Variants in METTL21A observed in about 807,000 individuals in gnomAD.
METTL21A encodes methyltransferase 21A, HSPA lysine.
METTL21A carries 22 observed loss-of-function variants against 20.9 expected under a neutral mutation model. The ratio of observed to expected loss-of-function variants is 1.05; its 90% CI spans 0.75 to 1.50. METTL21A has a LOEUF of 1.50. METTL21A is among the 40% of genes most tolerant of loss of function. The pLI, the probability that METTL21A is intolerant of heterozygous loss-of-function variation, is 0.00. For synonymous variants in METTL21A, 93 were observed against 102.0 expected, an observed-to-expected ratio of 0.91 and a Z score of 0.53; for missense variants, 271 against 266.8, an observed-to-expected ratio of 1.02 and a Z score of -0.11.
chr2:207,621,971 T>A, intron 2 of METTL21A, 54 bp from the exon 3 acceptor site: 3 of 1,522,504 alleles, frequency 2.0e-6, no homozygotes, highest in Non-Finnish European at 2.7e-6. Context: ...CTTGAGTAGC[T>A]GCAGGGTTTC....
At chr2:207,607,878 T>G (rs1356811949), downstream of METTL21A, among the ~76,000 whole-genome samples, 2 of 151,824 alleles carry the variant, frequency 1.3e-5, no homozygotes, top group Non-Finnish European at 2.9e-5. Flanking sequence ...AAATGTACAT[T>G]TATGTGATAA....
intron 2 of METTL21A, 114 bp downstream of exon 2, chr2:207,624,115 T>G: frequency 7.9e-7 from 1 of 1,267,356 alleles, no homozygotes; most frequent in Non-Finnish European, 1.1e-6. Context: ...TTTAAATAGG[T>G]AAAGTGTATG....
chr2:207,596,808 G>T (rs1174152181), intron 3 of METTL21A: 2 of 1,258,190 alleles, frequency 1.6e-6, no homozygotes, highest in Non-Finnish European at 2.2e-6. Context: ...ATACTAAAAT[G>T]TTGGTTGCTG....
At chr2:207,588,762 CAT>C (rs2084391512) in intron 3 of METTL21A, among the ~76,000 whole-genome samples, 2 of 146,868 alleles carry the variant, frequency 1.4e-5, no homozygotes, top group South Asian at 2.1e-4. Flanking sequence ...GGTGGGGGGA[CAT>C]GTGCTATTTG....
At chr2:207,609,698 C>T (rs1221301520), downstream of METTL21A, 1 of 151,848 alleles carries the variant, frequency 6.6e-6, no homozygotes, top group Non-Finnish European at 1.5e-5. Flanking sequence ...GAAAGAACTG[C>T]ATTAAGACAT....
chr2:207,620,761 T>G, intron 3 of METTL21A: 2 of 1,448,472 alleles, frequency 1.4e-6, no homozygotes, highest in Non-Finnish European at 1.8e-6. Context: ...CCCCTGCCCA[T>G]GCTCCCTGTC....
intron 3 of METTL21A, among the ~76,000 whole-genome samples, chr2:207,603,608 G>A (rs1346661730): frequency 6.6e-6 from 1 of 152,090 alleles, no homozygotes; most frequent in Non-Finnish European, 1.5e-5. Context: ...CTAATTTTCA[G>A]GACAAAACCT....
In METTL21A at chr2:207,622,110, C is replaced by T. The variant is rs375294661; in HGVS notation, c.148-193G>A. 4.2e-4 allele frequency among the ~76,000 whole-genome samples: 64 copies of T among 152,190 alleles called. No individual in the cohort carries two copies. The South Asian group carries it at 0.013, about 32-fold the overall frequency. On this transcript the variant is annotated intron_variant, in intron 2 of 3. Transcript: ENST00000406927. Reference sequence around the variant, plus strand: ...CAAGCACAGGGTCCCACAGCAGTGCCCAGAGATGATGCCCACACTAAATGG... The same window carrying T: ...CAAGCACAGGGTCCCACAGCAGTGCTCAGAGATGATGCCCACACTAAATGG...
chr2:207,616,616 G>A (rs1322654196), intron 3 of METTL21A, among the ~76,000 whole-genome samples: 3 of 152,274 alleles, frequency 2.0e-5, no homozygotes, highest in South Asian at 2.1e-4. Flanking sequence ...AGGCCAAGGC[G>A]GGTGGATCAC....
At chr2:207,608,749 A>T (rs1370929986), downstream of METTL21A, among the ~76,000 whole-genome samples, 1 of 152,080 alleles carries the variant, frequency 6.6e-6, no homozygotes, top group Non-Finnish European at 1.5e-5. Context: ...ACACGGTGAA[A>T]CCCCATCTCT....
intron 3 of METTL21A, chr2:207,598,476 CAGTT>C: frequency 8.0e-6 from 1 of 125,370 alleles, no homozygotes; most frequent in Non-Finnish European, 1.5e-5. Context: ...ATAAATCTAA[CAGTT>C]ACTCTTAAAA....
chr2:207,605,385 T>G (rs1024471573), downstream of METTL21A, among the ~76,000 whole-genome samples: 2 of 152,242 alleles, frequency 1.3e-5, no homozygotes, highest in Non-Finnish European at 2.9e-5. Context: ...TGAGGTCCTT[T>G]GTTCATTGAA....
At chr2:207,596,026 TG>T (rs1232843030) in intron 3 of METTL21A, among the ~76,000 whole-genome samples, 1 of 152,244 alleles carries the variant, frequency 6.6e-6, no homozygotes, top group Non-Finnish European at 1.5e-5. Flanking sequence ...CCTCTGCTTT[TG>T]GTGTTGTATT....
downstream of METTL21A, among the ~76,000 whole-genome samples, chr2:207,608,068 T>C (rs531982234): frequency 1.3e-4 from 20 of 152,134 alleles, no homozygotes; most frequent in African/African-American, 3.1e-4. Flanking sequence ...CTCTCCAATA[T>C]TGTCTTCAGC....
At chr2:207,583,685 A>G (rs1270784801) in intron 3 of METTL21A, among the ~76,000 whole-genome samples, 1 of 152,168 alleles carries the variant, frequency 6.6e-6, no homozygotes, top group Non-Finnish European at 1.5e-5. Flanking sequence ...TTAAATTTGC[A>G]TATACATAAG....
intron 2 of METTL21A, 24 bp downstream of exon 2, chr2:207,624,205 A>G: frequency 6.4e-7 from 1 of 1,558,054 alleles, no homozygotes; most frequent in Non-Finnish European, 8.6e-7. Context: ...GAACGTTTTC[A>G]GAGGTCCCCC....
chr2:207,582,144 G>T (rs777987577), exon 4 of METTL21A: 5 of 702,762 alleles, frequency 7.1e-6, no homozygotes, highest in Non-Finnish European at 2.6e-6. Flanking sequence ...AAGGGGAGGA[G>T]AATTAAATTC....
intron 3 of METTL21A, among the ~76,000 whole-genome samples, chr2:207,588,165 T>C (rs577129941): frequency 3.3e-5 from 5 of 152,230 alleles, no homozygotes; most frequent in Non-Finnish European, 7.3e-5. Flanking sequence ...TGTTATGTTT[T>C]ATGTTAGAGT....
chr2:207,608,534 C>T (rs1464686035), downstream of METTL21A, among the ~76,000 whole-genome samples: 2 of 152,084 alleles, frequency 1.3e-5, no homozygotes, highest in Non-Finnish European at 2.9e-5. Context: ...TAACAGCTTA[C>T]CTCATTTGGT....
Sources: allele counts gnomAD v4.1 joint callset (sites outside exome capture counted in the v4.1 genomes callset), GRCh38; gene constraint gnomAD v4.1.1; transcripts MANE v1.5; gene names NCBI Gene and HGNC (gene_info 2026-07-23, HGNC 2026-07-21).